The following SMPDL3A variants were observed in gnomAD, a reference collection of about 807,000 sequenced individuals.
SMPDL3A encodes sphingomyelin phosphodiesterase acid like 3A, also known as cyclic GMP-AMP phosphodiesterase SMPDL3A.
Under a neutral mutation model 38.5 loss-of-function variants are expected in SMPDL3A, and 39 were observed. That is an observed-to-expected ratio of 1.01 (90% CI 0.78 to 1.32). SMPDL3A has a LOEUF of 1.32. Among genes scored for constraint, SMPDL3A ranks in the 40% most tolerant of loss-of-function variants. The pLI is 0.00. For synonymous variants in SMPDL3A, 180 were observed against 194.3 expected, an observed-to-expected ratio of 0.93 and a Z score of 0.61; for missense variants, 502 against 536.2, an observed-to-expected ratio of 0.94 and a Z score of 0.63.
chr6:122,797,538 C>T (rs371823014), intron 3 of SMPDL3A, among the ~76,000 whole-genome samples: 65 of 152,270 alleles, frequency 4.3e-4, no homozygotes, highest in African/African-American at 1.5e-3. Context: ...ATACCCCCGG[C>T]TCAACAGGTT....
chr6:122,796,903 A>G lies in SMPDL3A; in HGVS notation c.406A>G (p.Ile136Val), dbSNP rs1358685713. 1 of 1,613,228 alleles carries G rather than the reference A, an allele frequency of 6.2e-7. No homozygotes were observed. The highest frequency in any genetic ancestry group is 1.7e-5 in the Admixed American group (1 of 60,008). The stretch of plus-strand genomic sequence containing the variant: ...TGTGATCACTAATATGACAACCACC[A>G]TCCAGAGTCTCTTTCCAAATCTCCA... ...INVITNMTTT[I>V]QSLFPNLQVF... The change falls in exon 3 of 8, where the codon ATC becomes GTC. Residue 136 changes from isoleucine to valine, a missense_variant. By Grantham distance (29) the Ile-to-Val change is conservative. Coordinates refer to ENST00000368440, the MANE Select transcript of SMPDL3A (RefSeq NM_006714.5).
chr6:122,800,731 C>CTTT (rs56662349), intron 3 of SMPDL3A, among the ~76,000 whole-genome samples: 2 of 147,230 alleles, frequency 1.4e-5, no homozygotes, highest in Non-Finnish European at 3.0e-5. Context: ...TGGGCTACAC[C>CTTT]TTTTTTGTTT....
intron 1 of SMPDL3A, among the ~76,000 whole-genome samples, chr6:122,790,822 T>G (rs1163024457): frequency 2.0e-5 from 3 of 152,126 alleles, no homozygotes; most frequent in Non-Finnish European, 2.9e-5. Flanking sequence ...TTCACCTGTG[T>G]TTTAAAGAGG....
intron 3 of SMPDL3A, among the ~76,000 whole-genome samples, chr6:122,799,212 C>T (rs1781345929): frequency 6.6e-6 from 1 of 152,154 alleles, no homozygotes; most frequent in African/African-American, 2.4e-5. Context: ...AGGAAGGGTC[C>T]CCATTTACTC....
chr6:122,789,402 C>A lies in SMPDL3A; in HGVS notation c.56C>A (p.Ser19Tyr), dbSNP rs1270458918. Reference protein sequence around the residue: ...CCLLTAWHCRSGLGLPVAPAG... With the variant: ...CCLLTAWHCRYGLGLPVAPAG... ...CTGCTGACTGCCTGGCACTGCCGCT[C>A]CGGCCTCGGGCTGCCCGTGGCGCCC... Residue 19 changes from serine to tyrosine, a missense_variant, in exon 1 of 8, where the codon TCC becomes TAC. Transcript: ENST00000368440. 16 of 1,549,382 alleles carry A rather than the reference C, an allele frequency of 1.0e-5. No homozygotes were observed. The highest frequency in any genetic ancestry group is 1.3e-5 in the Non-Finnish European group (15 of 1,146,368).
chr6:122,789,454 G>T lies in SMPDL3A; in HGVS notation c.108G>T (p.Ala36=), dbSNP rs1780986292. 1.3e-6 allele frequency: 2 copies of T among 1,548,536 alleles called. No individual in the cohort carries two copies. Among genetic ancestry groups the T allele is most frequent in the South Asian group, 1.2e-5 (1 of 84,002 alleles). The change falls in exon 1 of 8, where the codon GCG becomes GCT. Residue 36 remains alanine, a synonymous_variant. Coordinates refer to ENST00000368440, the MANE Select transcript of SMPDL3A (RefSeq NM_006714.5). The part of the protein sequence containing the change: ...APAGGRNPPP[A]IGQFWHVTDL... ...CAGGCGGCAGGAATCCTCCTCCGGC[G>T]ATAGGTGAGTTGTCCGCGACCCTTC...
At chr6:122,796,650 A>G (rs1781256106) in intron 2 of SMPDL3A, among the ~76,000 whole-genome samples, 174 bp from the exon 3 acceptor site, 2 of 152,070 alleles carry the variant, frequency 1.3e-5, no homozygotes, top group East Asian at 1.9e-4. Context: ...ATTTTCTTTT[A>G]TAGGATTATC....
In SMPDL3A at chr6:122,809,202, G is replaced by T. The variant is rs773396536; in HGVS notation, c.1156G>T (p.Glu386Ter). 6.2e-7 allele frequency: 1 copy of T among 1,614,036 alleles called. No individual in the cohort carries two copies. The highest frequency in any genetic ancestry group is 8.5e-7 in the Non-Finnish European group (1 of 1,180,022). ...QTYDIEDLQPESLYGLAKQFT... is the reference protein window; with the variant it reads ...QTYDIEDLQP Reference sequence around the variant, plus strand: ...CTACGACATTGAAGATTTGCAGCCGGAAAGTTTATATGGATTAGCTAAACA... The same window carrying T: ...CTACGACATTGAAGATTTGCAGCCGTAAAGTTTATATGGATTAGCTAAACA... Residue 386 changes from glutamate (E) to a stop codon, truncating the protein, a stop_gained, in exon 8 of 8, where the codon GAA becomes TAA. Coordinates refer to ENST00000368440, the MANE Select transcript of SMPDL3A (RefSeq NM_006714.5). LOFTEE classifies it low-confidence loss of function (END_TRUNC).
Position 122,789,269 on chromosome 6 carries a change from C to G in SMPDL3A, c.-78C>G, listed in dbSNP as rs1007914451. 4.8e-6 allele frequency: 5 copies of G among 1,032,374 alleles called. No individual in the cohort carries two copies. The highest frequency in any genetic ancestry group is 7.0e-6 in the Non-Finnish European group (5 of 717,258). The allele number at this position is 1,032,374 out of a possible 1,614,324, so 64.0% of individuals were successfully genotyped here. A position where few individuals can be genotyped will look rare whatever the true frequency, so the allele number is the denominator to read the frequency against. On this transcript the variant is annotated 5_prime_UTR_variant, in exon 1 of 8. Transcript: ENST00000368440. Reference sequence around the variant, plus strand: ...CTACACCCGCAGCCGTCTTCTGTCTCCGCCTCACCCTCAGGCCTGACGGTC... The same window carrying G: ...CTACACCCGCAGCCGTCTTCTGTCTGCGCCTCACCCTCAGGCCTGACGGTC...
In SMPDL3A at chr6:122,801,346, G is replaced by GCAGT. The variant is rs771714726; in HGVS notation, c.509_512dup (p.Ala172SerfsTer11). 4 of 1,613,638 alleles carry GCAGT rather than the reference G, an allele frequency of 2.5e-6. No individual in the cohort carries two copies. In the Admixed American group the frequency reaches 5.0e-5, roughly 20 times the overall value. Reference sequence around the variant, plus strand: ...TGTAGTCACCAGTAAAGTGTACAATGCAGTAGCAAACCTCTGGAAACCATG... The same window carrying GCAGT: ...TGTAGTCACCAGTAAAGTGTACAATGCAGTCAGTAGCAAACCTCTGGAAACCATG... On this transcript the variant is annotated frameshift_variant, in exon 4 of 8. Coordinates refer to ENST00000368440, the MANE Select transcript of SMPDL3A (RefSeq NM_006714.5). LOFTEE classifies it high-confidence loss of function.
chr6:122,802,186 A>G (rs539781123), intron 4 of SMPDL3A, among the ~76,000 whole-genome samples: 1 of 139,572 alleles, frequency 7.2e-6, no homozygotes, highest in African/African-American at 2.6e-5. Context: ...CTAGGGAACT[A>G]TATCTAGTCT....
chr6:122,809,071 G>T lies in SMPDL3A; in HGVS notation c.1045-20G>T, dbSNP rs772282687. On this transcript the variant is annotated intron_variant, in intron 7 of 7. Coordinates refer to ENST00000368440, the MANE Select transcript of SMPDL3A (RefSeq NM_006714.5). ...TGTGCCAAAAAGTGAACCAGGTTTT[G>T]TTACTGTTCTTAACTGCAGGATATG... 1.3e-6 allele frequency: 2 copies of T among 1,596,184 alleles called. No individual in the cohort carries two copies. Among genetic ancestry groups the T allele is most frequent in the Non-Finnish European group, 8.6e-7 (1 of 1,165,876 alleles).
chr6:122,803,392 A>G (rs1464342729), intron 4 of SMPDL3A, among the ~76,000 whole-genome samples: 1 of 152,146 alleles, frequency 6.6e-6, no homozygotes. Context: ...CTGCCGAAAC[A>G]CTTATTTATC....
intron 3 of SMPDL3A, among the ~76,000 whole-genome samples, chr6:122,797,787 A>G (rs1348329181): frequency 1.3e-5 from 2 of 152,160 alleles, no homozygotes; most frequent in African/African-American, 4.8e-5. Flanking sequence ...CATGTTTCAG[A>G]ATAGAGCAGT....
intron 6 of SMPDL3A, 112 bp from the exon 7 acceptor site, chr6:122,806,121 T>TCCACATATC: frequency 1.1e-6 from 1 of 893,374 alleles, no homozygotes; most frequent in Non-Finnish European, 1.6e-6. Flanking sequence ...CCATTAGTGA[T>TCCACATATC]CACATATCAC....
Position 122,809,400 on chromosome 6 carries a change from A to G in SMPDL3A, c.1354A>G (p.Asn452Asp). 2 of 1,599,336 alleles carry G rather than the reference A, an allele frequency of 1.3e-6. No homozygotes were observed. The highest frequency in any genetic ancestry group is 1.7e-6 in the Non-Finnish European group (2 of 1,169,620). ...CCTCAAACAGCTTTATATAAAGCAC[A>G]ATTACTAGTATTTCACAGTTTTTGC... ...DCLKQLYIKH[N>D]Y Residue 452 changes from asparagine (N) to aspartate (D), a missense_variant, in exon 8 of 8, where the codon AAT becomes GAT. Asn to Asp is a conservative substitution (Grantham distance 23, BLOSUM62 1). Coordinates refer to ENST00000368440, the MANE Select transcript of SMPDL3A (RefSeq NM_006714.5).
intron 3 of SMPDL3A, among the ~76,000 whole-genome samples, chr6:122,800,187 T>C (rs1211729497): frequency 6.6e-6 from 1 of 152,036 alleles, no homozygotes; most frequent in Non-Finnish European, 1.5e-5. Flanking sequence ...CAGGCGAGGC[T>C]CCCCATTTAC....
Position 122,795,768 on chromosome 6 carries a change from A to G in SMPDL3A, c.204A>G (p.Ala68=), listed in dbSNP as rs1781228269. 4 of 1,614,172 alleles carry G rather than the reference A, an allele frequency of 2.5e-6. No homozygotes were observed. The highest frequency in any genetic ancestry group is 2.2e-5 in the East Asian group (1 of 44,876). The part of the protein sequence containing the change: ...HTKVCASSKG[A]NASNPGPFGD... Reference sequence around the variant, plus strand: ...AAGTGTGTGCTTCATCTAAAGGTGCAAATGCCTCCAACCCTGGCCCTTTTG... The same window carrying G: ...AAGTGTGTGCTTCATCTAAAGGTGCGAATGCCTCCAACCCTGGCCCTTTTG... The change falls in exon 2 of 8, where the codon GCA becomes GCG. Residue 68 remains alanine, a synonymous_variant. Coordinates refer to ENST00000368440, the MANE Select transcript of SMPDL3A (RefSeq NM_006714.5).
chr6:122,800,731 CT>C (rs56662349), intron 3 of SMPDL3A, among the ~76,000 whole-genome samples: 102,878 of 147,278 alleles, frequency 0.7, 35,191 homozygotes, highest in South Asian at 0.88. Context: ...TGGGCTACAC[CT>C]TTTTTGTTTG....
Sources: gnomAD v4.1 joint callset for allele counts (sites outside exome capture counted in the v4.1 genomes callset) on GRCh38, gnomAD v4.1.1 for gene constraint, MANE v1.5 for transcripts, NCBI Gene and HGNC (gene_info 2026-07-23, HGNC 2026-07-21) for gene names.